Variants in FCRL5 observed in about 807,000 individuals in gnomAD.
FCRL5 encodes the protein Fc receptor-like protein 5.
Under a neutral mutation model 92.1 loss-of-function variants are expected in FCRL5, and 79 were observed. The ratio of observed to expected loss-of-function variants is 0.86; its 90% CI spans 0.72 to 1.03. The LOEUF is 1.03. Among genes scored for constraint, FCRL5 ranks in the 50% least tolerant of loss-of-function variants. FCRL5 has a pLI of 0.00. For synonymous variants in FCRL5, 466 were observed against 469.3 expected (o/e 0.99, Z 0.09); for missense variants, 1,160 against 1,181.1 (o/e 0.98, Z 0.26).
intron 14 of FCRL5, 32 bp downstream of exon 14, chr1:157,518,668 C>T (rs755049006): frequency 1.7e-4 from 274 of 1,593,380 alleles, no homozygotes; most frequent in Non-Finnish European, 2.1e-4. Flanking sequence ...AGCCCTCCAG[C>T]TTCTGCCAAA....
At chr1:157,530,115 T>C (rs963450950) in intron 8 of FCRL5, among the ~76,000 whole-genome samples, 1 of 152,248 alleles carries the variant, frequency 6.6e-6, no homozygotes, top group Non-Finnish European at 1.5e-5. Context: ...ATCTTTTCTA[T>C]GTATAAGTAC....
At chr1:157,520,314 G>T in intron 12 of FCRL5, 117 bp downstream of exon 12, 1 of 700,504 alleles carries the variant, frequency 1.4e-6, no homozygotes, top group Non-Finnish European at 2.5e-6. Flanking sequence ...GAGGATTGAG[G>T]GACAGAGCGG....
chr1:157,533,170 T>A (rs2101620392), intron 8 of FCRL5: 1 of 152,288 alleles, frequency 6.6e-6, no homozygotes, highest in Non-Finnish European at 1.5e-5. Flanking sequence ...ACATATATGT[T>A]CTGATCTACA....
chr1:157,533,057 T>G (rs1429919346), intron 8 of FCRL5: 1 of 152,214 alleles, frequency 6.6e-6, no homozygotes, highest in African/African-American at 2.4e-5. Flanking sequence ...CACTGCAAAG[T>G]CTAAGACTAA....
At chr1:157,535,263 G>C (rs1220655838) in intron 7 of FCRL5, among the ~76,000 whole-genome samples, 1 of 152,246 alleles carries the variant, frequency 6.6e-6, no homozygotes, top group Non-Finnish European at 1.5e-5. Context: ...CCATGGAAGA[G>C]CCATGCCTGG....
At chr1:157,545,522 GT>G (rs754972248) in intron 3 of FCRL5, among the ~76,000 whole-genome samples, 1,243 of 84,934 alleles carry the variant, frequency 0.015, no homozygotes, top group Admixed American at 0.025. Flanking sequence ...TCTTTAATGA[GT>G]TTTTTTTTTT....
At position 157,515,485 on chromosome 1, in the gene FCRL5, T is replaced by G. The variant is rs3811036; in HGVS notation, c.*190A>C. On this transcript the variant is annotated 3_prime_UTR_variant, in exon 17 of 17. Coordinates refer to ENST00000361835, the MANE Select transcript of FCRL5 (RefSeq NM_031281.3). ...ATTAAAAAACCTGCCAGTCAGGGCT[T>G]TAACTGGGAAACAGGTGACAGTCCA... 123,169 of 1,272,072 alleles carry G rather than the reference T, an allele frequency of 0.097. 10,658 individuals are homozygous for G. The highest frequency in any genetic ancestry group is 0.44 in the African/African-American group (29,638 of 67,520). The allele number at this position is 1,272,072 out of a possible 1,614,324, so 78.8% of individuals were successfully genotyped here.
intron 1 of FCRL5, among the ~76,000 whole-genome samples, chr1:157,551,306 G>A (rs528356759): frequency 1.7e-3 from 254 of 152,232 alleles, no homozygotes; most frequent in Non-Finnish European, 2.7e-3. Flanking sequence ...ACATTGTGTG[G>A]GGCCACACTG....
rs1434836048 is a variant in FCRL5 at position 157,524,421 on chromosome 1, G to T, written c.2097C>A (p.Thr699=). ...ILYWFYHEDV[T]LGKISAPSGG... ...CAGAGGGGGCTGAGATCTTACCCAG[G>T]GTGACATCTTCATGATAAAACCAGT... Residue 699 remains threonine, a synonymous_variant, in exon 10 of 17, where the codon ACC becomes ACA. Transcript: ENST00000361835. The T allele has an allele frequency of 1.2e-6, 2 of 1,614,216 alleles. No individual in the cohort carries two copies. Among genetic ancestry groups the T allele is most frequent in the East Asian group, 4.5e-5 (2 of 44,880 alleles).
At position 157,518,791 on chromosome 1, in the gene FCRL5, C is replaced by T. The variant is rs986925568; in HGVS notation, c.2661-9G>A. 6.2e-7 allele frequency: 1 copy of T among 1,605,110 alleles called. No homozygotes were observed. The highest frequency in any genetic ancestry group is 1.3e-5 in the African/African-American group (1 of 74,574). On this transcript the variant is annotated splice_polypyrimidine_tract_variant and intron_variant, in intron 13 of 16. Coordinates refer to ENST00000361835, the MANE Select transcript of FCRL5 (RefSeq NM_031281.3). ...CCGAGTCTGAAGGGCTCCTGTGAGA[C>T]AGAGAAATGTGAATGTTTCTTAGGA...
Position 157,539,278 on chromosome 1 carries a change from G to T in FCRL5, c.1210C>A (p.Gln404Lys). The T allele has an allele frequency of 6.2e-7, 1 of 1,614,176 alleles. No individual in the cohort carries two copies. Among genetic ancestry groups the T allele is most frequent in the Non-Finnish European group, 8.5e-7 (1 of 1,180,032 alleles). Residue 404 changes from glutamine to lysine, a missense_variant, in exon 7 of 17, where the codon CAG becomes AAG. Coordinates refer to ENST00000361835, the MANE Select transcript of FCRL5 (RefSeq NM_031281.3). ...GAKVTLHCEAQRGSLPILYQF... is the reference protein window; with the variant it reads ...GAKVTLHCEAKRGSLPILYQF... ...TACAGGATGGGGAGTGAACCTCTCT[G>T]GGCTTCACAGTGAAGTGTCACCTTG... is the stretch of plus-strand genomic sequence containing the variant.
chr1:157,542,753 A>G, intron 6 of FCRL5, 106 bp downstream of exon 6: 1 of 1,371,996 alleles, frequency 7.3e-7, no homozygotes, highest in Non-Finnish European at 1.0e-6. Flanking sequence ...AGGTTTTCCC[A>G]AGAAAGAAAC....
Position 157,547,165 on chromosome 1 carries a change from G to C in FCRL5, c.85C>G (p.Pro29Ala). Residue 29 changes from proline (P) to alanine (A), a missense_variant, in exon 3 of 17, where the codon CCT becomes GCT. Pro to Ala is a conservative substitution (Grantham distance 27). Transcript: ENST00000361835. ...CCTTGGAAGACTGTGGTCCATGGAG[G>C]CTGGAGGAAAATAATGGGCCTGGGT... ...RTPRPIIFLQ[P>A]PWTTVFQGER... 5 of 1,614,000 alleles carry C rather than the reference G, an allele frequency of 3.1e-6. No homozygotes were observed. In the South Asian group the frequency reaches 5.5e-5, roughly 18 times the overall value.
chr1:157,528,935 G>A (rs764146744), intron 8 of FCRL5, among the ~76,000 whole-genome samples: 23 of 152,130 alleles, frequency 1.5e-4, no homozygotes, highest in South Asian at 2.1e-4. Flanking sequence ...CAAAGCAAAT[G>A]CAACAAAAAC....
intron 7 of FCRL5, among the ~76,000 whole-genome samples, chr1:157,535,809 A>T (rs1217821234): frequency 2.6e-5 from 4 of 152,174 alleles, no homozygotes; most frequent in Non-Finnish European, 5.9e-5. Context: ...ACAGATGAAA[A>T]TACTGAGGCC....
Position 157,514,493 on chromosome 1 carries a change from A to G in FCRL5, c.*1182T>C, listed in dbSNP as rs924919740. 1 of 152,252 alleles carries G rather than the reference A, an allele frequency of 6.6e-6. No homozygotes were observed. The highest frequency in any genetic ancestry group is 2.4e-5 in the African/African-American group (1 of 41,468). 9.4% of individuals were successfully genotyped at this position (152,252 alleles called of 1,614,324 possible). ...TGTGGCCAAAGGCTGGCCAGGGAGC[A>G]GCACGATCCGTGTGAACCGAGTTGG... On this transcript the variant is annotated 3_prime_UTR_variant, in exon 17 of 17. Coordinates refer to ENST00000361835, the MANE Select transcript of FCRL5 (RefSeq NM_031281.3).
chr1:157,539,185 T>C lies in FCRL5; in HGVS notation c.1303A>G (p.Ser435Gly). 1 of 1,614,204 alleles carries C rather than the reference T, an allele frequency of 6.2e-7. No individual in the cohort carries two copies. The highest frequency in any genetic ancestry group is 8.5e-7 in the Non-Finnish European group (1 of 1,180,026). Reference protein sequence around the residue: ...SANSAGGVAISFSLTAEHSGN... With the variant: ...SANSAGGVAIGFSLTAEHSGN... The stretch of plus-strand genomic sequence containing the variant: ...GAATGCTCTGCAGTCAGAGAGAAGC[T>C]GATGGCCACTCCTCCTGCAGAGTTG... The change falls in exon 7 of 17, where the codon AGC (serine) becomes GGC (glycine). Residue 435 changes from serine to glycine, a missense_variant. By Grantham distance (56) the Ser-to-Gly change is moderately conservative. Transcript: ENST00000361835.
intron 7 of FCRL5, among the ~76,000 whole-genome samples, chr1:157,538,195 A>T (rs914725): frequency 0.84 from 128,068 of 151,844 alleles, 54,107 homozygotes; most frequent in South Asian, 0.92. Context: ...TCATTTGATG[A>T]CTCCCCCTGG....
In FCRL5 at chr1:157,530,952, G is replaced by A. The variant is rs547717991; in HGVS notation, c.1682-3057C>T. Among the ~76,000 whole-genome samples the A allele has an allele frequency of 3.9e-5, 6 of 152,168 alleles. No homozygotes were observed. The South Asian group carries it at 1.0e-3, about 26-fold the overall frequency. ...GACCTTTTAAAATACAAAAGTACAG[G>A]CAACAAAAGCAAATATTAGACAAAT... On this transcript the variant is annotated intron_variant, in intron 8 of 16. Coordinates refer to ENST00000361835, the MANE Select transcript of FCRL5 (RefSeq NM_031281.3).
Sources: gnomAD v4.1 joint callset for allele counts (sites outside exome capture counted in the v4.1 genomes callset) on GRCh38, gnomAD v4.1.1 for gene constraint, MANE v1.5 for transcripts, NCBI Gene and HGNC (gene_info 2026-07-23, HGNC 2026-07-21) for gene names.